CEP112: variants seen among roughly 807,000 people sequenced by gnomAD.
CEP112 encodes the protein centrosomal protein 112, also known as centrosomal protein of 112 kDa.
In CEP112, 127 loss-of-function variants were observed where a neutral mutation model predicts 153.0. That is an observed-to-expected ratio of 0.83 (90% CI 0.72 to 0.96). CEP112 has a LOEUF of 0.96. CEP112 is among the 40% of genes least tolerant of loss of function. The probability of loss-of-function intolerance (pLI) is 0.00; values close to 1 mark genes in which losing one functional copy is unlikely to be tolerated. For missense variants in CEP112, 1,089 were observed against 1,101.2 expected (o/e 0.99, Z 0.16); for synonymous variants, 358 against 374.4 (o/e 0.96, Z 0.51).
At chr17:65,940,642 A>G (rs1403362437) in intron 18 of CEP112, among the ~76,000 whole-genome samples, 2 of 152,218 alleles carry the variant, frequency 1.3e-5, no homozygotes, top group Non-Finnish European at 2.9e-5. Flanking sequence ...AAGCACAGAA[A>G]GACAAAATGG....
chr17:66,004,650 A>G (rs2064197279), intron 17 of CEP112, among the ~76,000 whole-genome samples: 2 of 152,232 alleles, frequency 1.3e-5, no homozygotes, highest in Admixed American at 1.3e-4. Context: ...GTGATGCCAT[A>G]GTTTATAAAT....
intron 4 of CEP112, among the ~76,000 whole-genome samples, chr17:66,167,768 T>C (rs1464165682): frequency 6.6e-6 from 1 of 152,230 alleles, no homozygotes; most frequent in East Asian, 1.9e-4. Context: ...GAAAAGTCAC[T>C]GGACTTTCCT....
At chr17:65,692,106 C>T (rs922874215) in intron 23 of CEP112, among the ~76,000 whole-genome samples, 3 of 152,092 alleles carry the variant, frequency 2.0e-5, no homozygotes, top group East Asian at 1.9e-4. Flanking sequence ...TTAACCCTTA[C>T]GACAATTTTG....
chr17:66,034,447 A>G (rs2065622248), intron 12 of CEP112, among the ~76,000 whole-genome samples: 1 of 152,196 alleles, frequency 6.6e-6, no homozygotes, highest in Non-Finnish European at 1.5e-5. Context: ...GAACATCATA[A>G]AATTTTAGAA....
At chr17:66,168,208 C>T (rs62063583) in intron 4 of CEP112, among the ~76,000 whole-genome samples, 32,043 of 151,936 alleles carry the variant, frequency 0.21, 3,708 homozygotes, top group Middle Eastern at 0.34. Flanking sequence ...ATCCCTAAAG[C>T]TAACCACCTT....
intron 24 of CEP112, among the ~76,000 whole-genome samples, chr17:65,646,419 AT>A (rs1365260322): frequency 2.0e-5 from 3 of 152,244 alleles, no homozygotes. Context: ...TTTAAAAATC[AT>A]TATGTAAAGC....
At chr17:65,971,480 T>TAC (rs58158937) in intron 17 of CEP112, among the ~76,000 whole-genome samples, 9,880 of 62,058 alleles carry the variant, frequency 0.16, 484 homozygotes, top group East Asian at 0.43. Flanking sequence ...ATCATGCATG[T>TAC]ATGACATGAA....
chr17:65,642,204 T>C (rs868744515), intron 24 of CEP112, among the ~76,000 whole-genome samples: 3 of 152,352 alleles, frequency 2.0e-5, no homozygotes, highest in African/African-American at 7.2e-5. Context: ...GAATTAATTA[T>C]TTTAAAAATC....
At chr17:66,073,936 A>T (rs1283242134) in intron 8 of CEP112, among the ~76,000 whole-genome samples, 11 of 152,174 alleles carry the variant, frequency 7.2e-5, no homozygotes. Flanking sequence ...CCAAAAAAAT[A>T]AAAAAGAAAA....
intron 18 of CEP112, among the ~76,000 whole-genome samples, chr17:65,937,311 C>T (rs2061346711): frequency 9.9e-6 from 1 of 101,000 alleles, no homozygotes; most frequent in South Asian, 4.5e-4. Context: ...TGCCCGGCCG[C>T]CATCCCATCT....
chr17:65,971,454 CAT>C (rs1257767270), intron 17 of CEP112, among the ~76,000 whole-genome samples: 1 of 81,720 alleles, frequency 1.2e-5, no homozygotes, highest in Admixed American at 1.7e-4. Flanking sequence ...CGCATGCATG[CAT>C]ATCACACACA....
At chr17:66,105,918 A>C (rs1340931510) in intron 6 of CEP112, among the ~76,000 whole-genome samples, 2 of 152,180 alleles carry the variant, frequency 1.3e-5, no homozygotes, top group African/African-American at 4.8e-5. Flanking sequence ...AGTCTTTAAA[A>C]ACTTTTTTGA....
chr17:65,746,428 A>C (rs1211243883), intron 22 of CEP112, among the ~76,000 whole-genome samples: 1 of 152,162 alleles, frequency 6.6e-6, no homozygotes, highest in Non-Finnish European at 1.5e-5. Flanking sequence ...TGGCTAGATA[A>C]ATAGATAAAT....
intron 18 of CEP112, among the ~76,000 whole-genome samples, chr17:65,935,311 T>C (rs1211744787): frequency 1.3e-5 from 2 of 152,160 alleles, no homozygotes; most frequent in African/African-American, 2.4e-5. Context: ...TAGACTGTAA[T>C]ACAATAACAG....
intron 10 of CEP112, 92 bp downstream of exon 10, chr17:66,066,686 C>T: frequency 1.2e-6 from 1 of 835,120 alleles, no homozygotes; most frequent in Non-Finnish European, 1.7e-6. Context: ...CTATCTCATA[C>T]TATAAAAGGT....
chr17:65,639,056 C>T (rs1420042917), intron 25 of CEP112, among the ~76,000 whole-genome samples: 1 of 152,154 alleles, frequency 6.6e-6, no homozygotes, highest in East Asian at 1.9e-4. Flanking sequence ...TGTTCCCATT[C>T]TCCTCCACTA....
chr17:66,034,976 G>GTGTGTGTGTGTGTGTGTTTGTA (rs1255011364), intron 12 of CEP112, among the ~76,000 whole-genome samples: 1 of 13,434 alleles, frequency 7.4e-5, no homozygotes, highest in Admixed American at 1.3e-3. Flanking sequence ...GTTTTTGCAT[G>GTGTGTGTGTGTGTGTGTTTGTA]TATATATATA....
chr17:65,912,934 A>G (rs542250728), intron 19 of CEP112, among the ~76,000 whole-genome samples: 40 of 152,292 alleles, frequency 2.6e-4, no homozygotes, highest in Admixed American at 4.6e-4. Flanking sequence ...TGCAAAAGTA[A>G]TTGTGGAAGT....
chr17:65,749,843 TAACC>T (rs1471966098), intron 22 of CEP112, among the ~76,000 whole-genome samples: 2 of 151,454 alleles, frequency 1.3e-5, no homozygotes, highest in African/African-American at 4.9e-5. Flanking sequence ...TCTAGTTTAC[TAACC>T]AAATACCACT....
Sources: allele counts gnomAD v4.1 joint callset (sites outside exome capture counted in the v4.1 genomes callset), GRCh38; gene constraint gnomAD v4.1.1; transcripts MANE v1.5; gene names NCBI Gene and HGNC (gene_info 2026-07-23, HGNC 2026-07-21).